WWC1: variants seen among roughly 807,000 people sequenced by gnomAD.
WWC1 encodes the protein WW and C2 domain containing 1, also known as protein KIBRA.
WWC1 carries 55 observed loss-of-function variants against 138.4 expected under a neutral mutation model. The observed-to-expected ratio is 0.40, with a 90% CI of 0.32 to 0.50. The LOEUF is 0.50. WWC1 is among the 20% of genes least tolerant of loss of function. The probability of loss-of-function intolerance (pLI) is 0.72; values close to 1 mark genes in which losing one functional copy is unlikely to be tolerated. For missense variants in WWC1, 1,226 were observed against 1,420.4 expected, an observed-to-expected ratio of 0.86 and a Z score of 2.20; for synonymous variants, 524 against 564.9, an observed-to-expected ratio of 0.93 and a Z score of 1.03.
At chr5:168,335,322 T>A (rs906011774) in intron 1 of WWC1, among the ~76,000 whole-genome samples, 1 of 152,218 alleles carries the variant, frequency 6.6e-6, no homozygotes, top group Non-Finnish European at 1.5e-5. Context: ...TAATATCAAG[T>A]GTTTATTGAA....
intron 19 of WWC1, among the ~76,000 whole-genome samples, chr5:168,459,254 CAAA>C (rs34453947): frequency 5.3e-5 from 5 of 94,820 alleles, no homozygotes; most frequent in South Asian, 3.7e-4. Context: ...AACCCTGTCT[CAAA>C]AAAAAAAAAA....
chr5:168,327,173 T>A (rs1772636966), intron 1 of WWC1, among the ~76,000 whole-genome samples: 1 of 152,226 alleles, frequency 6.6e-6, no homozygotes, highest in African/African-American at 2.4e-5. Flanking sequence ...CAGAAATTGC[T>A]CATGGTTCTC....
At chr5:168,394,519 A>C (rs1263153561) in intron 3 of WWC1, among the ~76,000 whole-genome samples, 1 of 152,124 alleles carries the variant, frequency 6.6e-6, no homozygotes, top group African/African-American at 2.4e-5. Context: ...TGAGGTCAGG[A>C]GTTTGAGACC....
chr5:168,418,874 C>T (rs116365902), intron 9 of WWC1, among the ~76,000 whole-genome samples: 2,103 of 152,196 alleles, frequency 0.014, 56 homozygotes, highest in African/African-American at 0.048. Context: ...TTGTTTATTA[C>T]GGGTTCCATC....
intron 1 of WWC1, among the ~76,000 whole-genome samples, chr5:168,339,933 TTC>T (rs748373149): frequency 0.016 from 1,967 of 124,748 alleles, 44 homozygotes; most frequent in African/African-American, 0.057. Context: ...CTTTCTCTCT[TTC>T]TCTCTCTCTC....
chr5:168,445,531 T>C lies in WWC1; in HGVS notation c.2525+946T>C, dbSNP rs1034209306. ...CCTGGCCAACATGGTGAAACCCCAT[T>C]TCTACTAAAAAATACAAAAATTAGC... On this transcript the variant is annotated intron_variant, in intron 17 of 22. Coordinates refer to ENST00000265293, the MANE Select transcript of WWC1 (RefSeq NM_015238.3). 7.3e-5 allele frequency among the ~76,000 whole-genome samples: 11 copies of C among 151,520 alleles called. No homozygotes were observed. In the East Asian group the frequency reaches 2.0e-3, roughly 27 times the overall value.
chr5:168,293,997 A>G (rs1214586601), intron 1 of WWC1, among the ~76,000 whole-genome samples: 1 of 152,144 alleles, frequency 6.6e-6, no homozygotes, highest in Non-Finnish European at 1.5e-5. Context: ...CAGAACAGAC[A>G]CAAGTTCAAA....
chr5:168,304,774 C>T (rs899284085), intron 1 of WWC1, among the ~76,000 whole-genome samples: 2 of 151,866 alleles, frequency 1.3e-5, no homozygotes, highest in Non-Finnish European at 2.9e-5. Flanking sequence ...ATTGCAGAAT[C>T]GCCTGAGCAC....
intron 1 of WWC1, among the ~76,000 whole-genome samples, chr5:168,299,524 A>G (rs548915191): frequency 6.6e-6 from 1 of 152,104 alleles, no homozygotes; most frequent in East Asian, 1.9e-4. Context: ...GCTTGGGTAA[A>G]TGCTCCCAAC....
intron 15 of WWC1, among the ~76,000 whole-genome samples, chr5:168,432,702 T>C (rs1223461602): frequency 2.6e-5 from 4 of 152,134 alleles, no homozygotes; most frequent in African/African-American, 9.7e-5. Context: ...GGGGATTCAA[T>C]GGGGAACCAA....
At chr5:168,386,247 G>A (rs1778036016) in intron 3 of WWC1, among the ~76,000 whole-genome samples, 2 of 151,724 alleles carry the variant, frequency 1.3e-5, no homozygotes, top group South Asian at 2.1e-4. Context: ...TTCATATCAC[G>A]TATCACAATA....
intron 2 of WWC1, among the ~76,000 whole-genome samples, chr5:168,381,159 A>G (rs1777602792): frequency 6.6e-6 from 1 of 152,054 alleles, no homozygotes; most frequent in African/African-American, 2.4e-5. Context: ...GCACCCATCT[A>G]TTCTTATTGG....
intron 15 of WWC1, among the ~76,000 whole-genome samples, chr5:168,436,183 C>T (rs1782338614): frequency 6.6e-6 from 1 of 152,148 alleles, no homozygotes; most frequent in Non-Finnish European, 1.5e-5. Context: ...CTTCATGTTC[C>T]TCAGGGAGCT....
chr5:168,360,311 A>G (rs1775790822), intron 1 of WWC1, among the ~76,000 whole-genome samples: 1 of 152,220 alleles, frequency 6.6e-6, no homozygotes, highest in Non-Finnish European at 1.5e-5. Context: ...TGTAAGGGAC[A>G]TTGGATAGTG....
intron 21 of WWC1, among the ~76,000 whole-genome samples, chr5:168,466,363 A>G (rs868438824): frequency 6.6e-6 from 1 of 151,162 alleles, no homozygotes; most frequent in Non-Finnish European, 1.5e-5. Context: ...GAAAAATAAT[A>G]CCTGCCACTC....
chr5:168,456,031 G>A (rs1210466732), intron 19 of WWC1, among the ~76,000 whole-genome samples: 1 of 152,222 alleles, frequency 6.6e-6, no homozygotes, highest in Non-Finnish European at 1.5e-5. Flanking sequence ...CAGATGCAGT[G>A]TCTCATGCCT....
chr5:168,464,639 A>G (rs1757095239), intron 20 of WWC1, 90 bp from the exon 21 acceptor site: 14 of 1,547,906 alleles, frequency 9.0e-6, no homozygotes, highest in Non-Finnish European at 1.2e-5. Flanking sequence ...GATGCCTACA[A>G]GAGAGGGTAT....
chr5:168,345,690 G>A (rs1405800728), intron 1 of WWC1, among the ~76,000 whole-genome samples: 2 of 152,208 alleles, frequency 1.3e-5, no homozygotes, highest in Non-Finnish European at 1.5e-5. Context: ...CTAATGTTAA[G>A]TGGGGAGCAA....
chr5:168,354,209 C>T (rs563209782), intron 1 of WWC1, among the ~76,000 whole-genome samples: 75 of 152,192 alleles, frequency 4.9e-4, no homozygotes, highest in African/African-American at 1.7e-3. Flanking sequence ...TGCCACCACT[C>T]CCAGCTGTTT....
Sources: gnomAD v4.1 joint callset for allele counts (sites outside exome capture counted in the v4.1 genomes callset) on GRCh38, gnomAD v4.1.1 for gene constraint, MANE v1.5 for transcripts, NCBI Gene and HGNC (gene_info 2026-07-23, HGNC 2026-07-21) for gene names.